The following AFAP1L1 variants were observed in gnomAD, a reference collection of about 807,000 sequenced individuals.
AFAP1L1 encodes actin filament-associated protein 1-like 1.
Under a neutral mutation model 99.8 loss-of-function variants are expected in AFAP1L1, and 77 were observed. The observed-to-expected ratio is 0.77, with a 90% CI of 0.64 to 0.93. AFAP1L1 has a LOEUF of 0.93. AFAP1L1 is among the 40% of genes least tolerant of loss of function. AFAP1L1 has a pLI of 0.00. For synonymous variants in AFAP1L1, 373 were observed against 395.3 expected, an observed-to-expected ratio of 0.94 and a Z score of 0.67; for missense variants, 893 against 996.8, an observed-to-expected ratio of 0.90 and a Z score of 1.40.
chr5:149,325,205 T>A (rs1757063138), intron 15 of AFAP1L1, among the ~76,000 whole-genome samples: 1 of 152,206 alleles, frequency 6.6e-6, no homozygotes, highest in Non-Finnish European at 1.5e-5. Context: ...ATTTGCTAAA[T>A]CTTAGTAAGA....
chr5:149,332,449 A>C (rs1271735263), intron 16 of AFAP1L1, among the ~76,000 whole-genome samples: 2 of 152,188 alleles, frequency 1.3e-5, no homozygotes, highest in African/African-American at 4.8e-5. Flanking sequence ...GAAAACTCAG[A>C]GTGCTATTTC....
In AFAP1L1 at chr5:149,320,278, C is replaced by A. The variant is rs1756914232; in HGVS notation, c.1626-113C>A. On this transcript the variant is annotated intron_variant, in intron 13 of 18. Coordinates refer to ENST00000296721, the MANE Select transcript of AFAP1L1 (RefSeq NM_152406.4). The surrounding 1 kb of genome is among the most constrained non-coding windows in gnomAD (Gnocchi z 4.0). ...CTGCCATCTTGCTTTTACCAATCTTCTGATCTGCCTTAAGAGTTTCTGCCA... is the reference window on the plus strand; with the variant it reads ...CTGCCATCTTGCTTTTACCAATCTTATGATCTGCCTTAAGAGTTTCTGCCA... The A allele has an allele frequency of 1.9e-6, 2 of 1,034,612 alleles. No individual in the cohort carries two copies. The highest frequency in any genetic ancestry group is 1.4e-5 in the South Asian group (1 of 71,108). 64.1% of individuals were successfully genotyped at this position (1,034,612 alleles called of 1,614,324 possible).
chr5:149,303,875 G>C (rs187204709), intron 5 of AFAP1L1, among the ~76,000 whole-genome samples: 195 of 152,242 alleles, frequency 1.3e-3, no homozygotes, highest in Middle Eastern at 6.8e-3. Context: ...TAAAATACAC[G>C]TAAGATTAAC....
chr5:149,329,631 A>AACT, intron 15 of AFAP1L1, 35 bp from the exon 16 acceptor site: 1 of 1,588,894 alleles, frequency 6.3e-7, no homozygotes, highest in Non-Finnish European at 8.6e-7. Context: ...CAGAGGTCAG[A>AACT]ACTGAGGGCC....
In AFAP1L1 at chr5:149,343,287, T is replaced by C. The variant is rs914517968; in HGVS notation, c.*3257T>C. On this transcript the variant is annotated 3_prime_UTR_variant, in exon 19 of 19. Coordinates refer to ENST00000296721, the MANE Select transcript of AFAP1L1 (RefSeq NM_152406.4). ...ACTACAGTACAAATAACCCATGTTA[T>C]GACAAGATTCAGAGTGCTCAAGGAA... 1.3e-5 allele frequency among the ~76,000 whole-genome samples: 2 copies of C among 151,900 alleles called. No individual in the cohort carries two copies. The highest frequency in any genetic ancestry group is 2.9e-5 in the Non-Finnish European group (2 of 67,970).
Position 149,301,330 on chromosome 5 carries a change from TG to T in AFAP1L1, c.327+102del. ...CCACTGGGTGCTCTCCTGGCGGTTCTGGACCCTGTTGTCTCTCTCGGGTTGT... is the reference window on the plus strand; with the variant it reads ...CCACTGGGTGCTCTCCTGGCGGTTCTGACCCTGTTGTCTCTCTCGGGTTGT... On this transcript the variant is annotated intron_variant, in intron 4 of 18. Transcript: ENST00000296721. 3.8e-6 allele frequency: 4 copies of T among 1,054,590 alleles called. No homozygotes were observed. The South Asian group carries it at 5.8e-5, about 15-fold the overall frequency. 65.3% of individuals were successfully genotyped at this position (1,054,590 alleles called of 1,614,324 possible). A position where few individuals can be genotyped will look rare whatever the true frequency, so the allele number is the denominator to read the frequency against.
Position 149,299,552 on chromosome 5 carries a change from C to G in AFAP1L1, c.60C>G (p.Leu20=), listed in dbSNP as rs1416026862. The G allele has an allele frequency of 1.2e-6, 2 of 1,614,160 alleles. No individual in the cohort carries two copies. Among genetic ancestry groups the G allele is most frequent in the South Asian group, 2.2e-5 (2 of 91,084 alleles). The change falls in exon 2 of 19, where the codon CTC becomes CTG. Residue 20 remains leucine (L), a synonymous_variant. Transcript: ENST00000296721. ...CAGAGCTCACCGGGCTGCTCAGCCT[C>G]CTGGACCACGAGTACCTCAGCGATA... ...LLPELTGLLS[L]LDHEYLSDTT...
chr5:149,330,907 A>G (rs932615679), intron 16 of AFAP1L1, among the ~76,000 whole-genome samples: 4 of 152,116 alleles, frequency 2.6e-5, no homozygotes, highest in Non-Finnish European at 5.9e-5. Context: ...TGCCTGATAC[A>G]TGGTAAGCAT....
rs1346894281 is a variant in AFAP1L1 at position 149,320,353 on chromosome 5, T to C, written c.1626-38T>C. The stretch of plus-strand genomic sequence containing the variant: ...AAGCACTGTAAGCTGCAAAGCATCA[T>C]TGTCATTGTCATTGTCATCGTACAT... On this transcript the variant is annotated intron_variant, in intron 13 of 18. Transcript: ENST00000296721. The surrounding 1 kb of genome is among the most constrained non-coding windows in gnomAD (Gnocchi z 4.0). 3 of 1,591,164 alleles carry C rather than the reference T, an allele frequency of 1.9e-6. No individual in the cohort carries two copies. The highest frequency in any genetic ancestry group is 2.2e-5 in the South Asian group (2 of 90,616).
At chr5:149,332,974 C>T (rs913540387) in intron 17 of AFAP1L1, 101 bp downstream of exon 17, 43 of 1,388,990 alleles carry the variant, frequency 3.1e-5, no homozygotes, top group South Asian at 9.7e-5. Flanking sequence ...AGGGGTTATG[C>T]CCACTTACAG....
At chr5:149,334,763 T>C (rs573755688) in intron 17 of AFAP1L1, among the ~76,000 whole-genome samples, 9 of 151,778 alleles carry the variant, frequency 5.9e-5, no homozygotes, top group African/African-American at 2.2e-4. Flanking sequence ...AACGCAAAAA[T>C]TAATTGGGCA....
At chr5:149,307,128 T>C (rs1306510318) in intron 6 of AFAP1L1, among the ~76,000 whole-genome samples, 1 of 152,074 alleles carries the variant, frequency 6.6e-6, no homozygotes, top group Non-Finnish European at 1.5e-5. Flanking sequence ...GTGCCTATAA[T>C]CTCAGCTACT....
chr5:149,340,429 A>G lies in AFAP1L1; in HGVS notation c.*399A>G, dbSNP rs1290100071. On this transcript the variant is annotated 3_prime_UTR_variant, in exon 19 of 19. Coordinates refer to ENST00000296721, the MANE Select transcript of AFAP1L1 (RefSeq NM_152406.4). ...CTTAAGGCAAAGGGAGGCAGTGCTGAAGCATTGGTGGTGCAGTGTAAAGAG... is the reference window on the plus strand; with the variant it reads ...CTTAAGGCAAAGGGAGGCAGTGCTGGAGCATTGGTGGTGCAGTGTAAAGAG... 1 of 188,830 alleles carries G rather than the reference A, an allele frequency of 5.3e-6. No individual in the cohort carries two copies. The highest frequency in any genetic ancestry group is 2.3e-5 in the African/African-American group (1 of 43,614). The allele number at this position is 188,830 out of a possible 1,614,324, so 11.7% of individuals were successfully genotyped here.
chr5:149,275,942 A>G (rs541231193), intron 1 of AFAP1L1, among the ~76,000 whole-genome samples: 1 of 152,316 alleles, frequency 6.6e-6, no homozygotes, highest in East Asian at 1.9e-4. Context: ...CAACATATGC[A>G]TTTGGGAGGG....
chr5:149,305,996 A>T (rs1756398641), intron 5 of AFAP1L1, among the ~76,000 whole-genome samples: 1 of 152,104 alleles, frequency 6.6e-6, no homozygotes, highest in South Asian at 2.1e-4. Flanking sequence ...CAGAGGAAAG[A>T]TCTTTGATCT....
intron 1 of AFAP1L1, among the ~76,000 whole-genome samples, chr5:149,281,872 G>A (rs1480188865): frequency 6.6e-6 from 1 of 152,204 alleles, no homozygotes; most frequent in Non-Finnish European, 1.5e-5. Context: ...AAGGAGGTCT[G>A]AATAATTCTA....
intron 7 of AFAP1L1, 106 bp from the exon 8 acceptor site, chr5:149,309,850 A>G (rs1581320755): frequency 5.8e-6 from 8 of 1,377,192 alleles, no homozygotes; most frequent in Admixed American, 1.9e-5. Context: ...TGGGTGGGGG[A>G]GGTCTCTAAA....
rs1003498471 is a variant in AFAP1L1, at chr5:149,320,112, T to C, written c.1626-279T>C. Among the ~76,000 whole-genome samples, 3 of 152,190 alleles carry C rather than the reference T, an allele frequency of 2.0e-5. No individual in the cohort carries two copies. In the East Asian group the frequency reaches 5.8e-4, roughly 29 times the overall value. On this transcript the variant is annotated intron_variant, in intron 13 of 18. Transcript: ENST00000296721. The surrounding 1 kb of genome is among the most constrained non-coding windows in gnomAD (Gnocchi z 4.0). Reference sequence around the variant, plus strand: ...TCAGTCACCACCAGCAGTGGAAGCTTGCACTGGTTGCTTGCCATCTCGGAT... The same window carrying C: ...TCAGTCACCACCAGCAGTGGAAGCTCGCACTGGTTGCTTGCCATCTCGGAT...
intron 1 of AFAP1L1, among the ~76,000 whole-genome samples, chr5:149,274,485 T>G (rs1228674071): frequency 3.9e-5 from 6 of 152,244 alleles, no homozygotes; most frequent in African/African-American, 1.4e-4. Flanking sequence ...TTTAACTGTC[T>G]GGCTCCTCAG....
Sources: gnomAD v4.1 joint callset for allele counts (sites outside exome capture counted in the v4.1 genomes callset) on GRCh38, gnomAD v4.1.1 for gene constraint, Gnocchi (gnomAD v3.1) non-coding constraint, MANE v1.5 for transcripts, NCBI Gene and HGNC (gene_info 2026-07-23, HGNC 2026-07-21) for gene names.